Variants in KMT2B observed in about 807,000 individuals in gnomAD.
The protein encoded by KMT2B is lysine methyltransferase 2B, also known as histone-lysine N-methyltransferase 2B.
Under a neutral mutation model 255.3 loss-of-function variants are expected in KMT2B, and 22 were observed. The observed-to-expected ratio is 0.09, with a 90% CI of 0.06 to 0.12. The LOEUF is 0.12. Ranked by LOEUF, KMT2B falls within the 10% of genes least tolerant of loss-of-function variation. KMT2B has a pLI of 1.00. For synonymous variants in KMT2B, 1,730 were observed against 1,498.1 expected, an observed-to-expected ratio of 1.15 and a Z score of -3.57; for missense variants, 3,149 against 3,737.0, an observed-to-expected ratio of 0.84 and a Z score of 4.10.
rs1969651922 is a variant in KMT2B, at chr19:35,730,567, C to T, written c.5227C>T (p.Leu1743=). ...GSIRIDSLGT[L]SDLSDCEGRL... ...CATCCGCATTGACTCCCTGGGTACTCTGTCTGATCTCTCGGACTGCGAGGG... is the reference window on the plus strand; with the variant it reads ...CATCCGCATTGACTCCCTGGGTACTTTGTCTGATCTCTCGGACTGCGAGGG... The change falls in exon 25 of 37, where the codon CTG becomes TTG. Residue 1743 remains leucine (L), a synonymous_variant. Transcript: ENST00000420124. 24 of 1,614,054 alleles carry T rather than the reference C, an allele frequency of 1.5e-5. No individual in the cohort carries two copies. Among genetic ancestry groups the T allele is most frequent in the Non-Finnish European group, 2.0e-5 (24 of 1,179,900 alleles).
rs1308156549 is a variant in KMT2B at position 35,730,427 on chromosome 19, C to T, written c.5162C>T (p.Thr1721Met). The change falls in exon 24 of 37, where the codon ACG (threonine) becomes ATG (methionine). Residue 1721 changes from threonine (T) to methionine (M), a missense_variant. Thr to Met is a moderately conservative substitution (Grantham distance 81). Around this residue, in one of 18 missense-constraint regions of KMT2B, gnomAD observed 58 missense variants for 96.9 expected, o/e 0.60. Transcript: ENST00000420124. ...EGINFKRKFL[T>M]GLEPDAINVL... ...ATCAACTTCAAGCGGAAGTTCTTGA[C>T]GGGGCTTGAACCCGATGCCATCAAC... 6 of 1,613,828 alleles carry T rather than the reference C, an allele frequency of 3.7e-6. No homozygotes were observed. The highest frequency in any genetic ancestry group is 2.7e-5 in the African/African-American group (2 of 75,042).
chr19:35,729,147 C>T lies in KMT2B; in HGVS notation c.4780-12C>T, dbSNP rs757936937. ...GGCCTCCCCACATCATGCCACTCCTCTTCTGCCCCAGGAGGCGGGGCGGCT... is the reference window on the plus strand; with the variant it reads ...GGCCTCCCCACATCATGCCACTCCTTTTCTGCCCCAGGAGGCGGGGCGGCT... On this transcript the variant is annotated splice_polypyrimidine_tract_variant and intron_variant, in intron 21 of 36. Coordinates refer to ENST00000420124, the MANE Select transcript of KMT2B (RefSeq NM_014727.3). 6.2e-7 allele frequency: 1 copy of T among 1,613,886 alleles called. No individual in the cohort carries two copies. Among genetic ancestry groups the T allele is most frequent in the Non-Finnish European group, 8.5e-7 (1 of 1,179,840 alleles).
Position 35,720,220 on chromosome 19 carries a change from A to AGGCAGG in KMT2B, c.877_882dup (p.Arg297_Gly298dup). 1 of 1,610,800 alleles carries AGGCAGG rather than the reference A, an allele frequency of 6.2e-7. No individual in the cohort carries two copies. Among genetic ancestry groups the AGGCAGG allele is most frequent in the Non-Finnish European group, 8.5e-7 (1 of 1,178,722 alleles). ...GACAGTCAAGCCGTGGAGGCCGTGG[A>AGGCAGG]GGCAGGGGCCGCGGCCGAGGTGGTG... On this transcript the variant is annotated inframe_insertion, in exon 3 of 37. Coordinates refer to ENST00000420124, the MANE Select transcript of KMT2B (RefSeq NM_014727.3).
rs1303645035 is a variant in KMT2B, at chr19:35,737,847, G to T, written c.7659-12G>T. Reference sequence around the variant, plus strand: ...GAGCACCAGCCTGGGTGACACTGCTGTCCCTCACCAGACGTGCCACCAGCC... The same window carrying T: ...GAGCACCAGCCTGGGTGACACTGCTTTCCCTCACCAGACGTGCCACCAGCC... On this transcript the variant is annotated splice_polypyrimidine_tract_variant and intron_variant, in intron 34 of 36. Transcript: ENST00000420124. The surrounding 1 kb of genome is among the most constrained non-coding windows in gnomAD (Gnocchi z 5.3). 1.3e-6 allele frequency: 2 copies of T among 1,562,908 alleles called. No homozygotes were observed. The highest frequency in any genetic ancestry group is 2.3e-5 in the South Asian group (2 of 85,230).
chr19:35,731,626 G>C (rs902130933), intron 26 of KMT2B, among the ~76,000 whole-genome samples: 5 of 152,192 alleles, frequency 3.3e-5, no homozygotes, highest in African/African-American at 1.2e-4. Context: ...GGCCGTGCTG[G>C]AGGGAGGGCA....
chr19:35,723,050 G>C lies in KMT2B; in HGVS notation c.2778G>C (p.Lys926Asn). 1 of 1,612,362 alleles carries C rather than the reference G, an allele frequency of 6.2e-7. No individual in the cohort carries two copies. The highest frequency in any genetic ancestry group is 1.7e-5 in the Admixed American group (1 of 59,956). Residue 926 changes from lysine to asparagine, a missense_variant, in exon 6 of 37, where the codon AAG becomes AAC. This residue lies in a region of KMT2B where 132 missense variants were observed against 174.7 expected (regional missense o/e 0.76). Transcript: ENST00000420124. The surrounding 1 kb of genome is among the most constrained non-coding windows in gnomAD (Gnocchi z 7.5). The part of the protein sequence containing the change: ...ESVPSRSRRG[K>N]VEAAGPGGES... ...TCCCGTCACGGTCCCGGCGGGGAAA[G>C]GTGGAGGCAGCAGGCCCTGGGGGAG...
At chr19:35,724,915 G>A in intron 9 of KMT2B, 74 bp from the exon 10 acceptor site, 3 of 1,173,050 alleles carry the variant, frequency 2.6e-6, no homozygotes, top group Non-Finnish European at 3.8e-6. Context: ...TAGGCTGGGG[G>A]AAAGGCGGTG....
chr19:35,718,375 C>G lies in KMT2B; in HGVS notation c.357C>G (p.Asp119Glu). ...PEEESSDGES[D>E]EEEFQGFHSD... ...AGGAGAGCAGTGACGGGGAATCCGA[C>G]GAGGAGGTGAGGCGGTTGGAGGCGT... Residue 119 changes from aspartate to glutamate, a missense_variant, in exon 1 of 37, where the codon GAC becomes GAG. Coordinates refer to ENST00000420124, the MANE Select transcript of KMT2B (RefSeq NM_014727.3). The surrounding 1 kb of genome is among the most constrained non-coding windows in gnomAD (Gnocchi z 5.0). 6 of 1,269,442 alleles carry G rather than the reference C, an allele frequency of 4.7e-6. No homozygotes were observed. Among genetic ancestry groups the G allele is most frequent in the Non-Finnish European group, 6.0e-6 (6 of 1,000,880 alleles). 78.6% of individuals were successfully genotyped at this position (1,269,442 alleles called of 1,614,324 possible). A position where few individuals can be genotyped will look rare whatever the true frequency, so the allele number is the denominator to read the frequency against.
At chr19:35,734,204 A>G (rs529163498) in intron 30 of KMT2B, among the ~76,000 whole-genome samples, 19 of 152,104 alleles carry the variant, frequency 1.2e-4, no homozygotes, top group South Asian at 8.3e-4. Flanking sequence ...GATCATCTAG[A>G]GGGAATGCAG....
chr19:35,733,056 C>T lies in KMT2B; in HGVS notation c.6507C>T (p.Ala2169=), dbSNP rs1303723151. 3 of 1,580,844 alleles carry T rather than the reference C, an allele frequency of 1.9e-6. No homozygotes were observed. The highest frequency in any genetic ancestry group is 2.3e-5 in the East Asian group (1 of 43,142). ...PTRTFAWLPG[A]PGVRVLSLGP... Reference sequence around the variant, plus strand: ...GCACATTTGCCTGGCTCCCAGGGGCCCCAGGGGTCCGGGTGTTAAGCCTTG... The same window carrying T: ...GCACATTTGCCTGGCTCCCAGGGGCTCCAGGGGTCCGGGTGTTAAGCCTTG... Residue 2169 remains alanine (A), a synonymous_variant, in exon 28 of 37, where the codon GCC becomes GCT. Transcript: ENST00000420124. The surrounding 1 kb of genome is among the most constrained non-coding windows in gnomAD (Gnocchi z 4.3).
At position 35,731,718 on chromosome 19, in the gene KMT2B, C is replaced by T. The variant is rs116507068; in HGVS notation, c.5438-190C>T. ...AGTGGGGAGAGGCCCTGAAGGCCCC[C>T]TGGCCCAGGTGTGTGCAGGTTTTGC... On this transcript the variant is annotated intron_variant, in intron 26 of 36. Coordinates refer to ENST00000420124, the MANE Select transcript of KMT2B (RefSeq NM_014727.3). 0.022 allele frequency among the ~76,000 whole-genome samples: 3,298 copies of T among 152,252 alleles called. 113 individuals are homozygous for T. Among genetic ancestry groups the T allele is most frequent in the African/African-American group, 0.075 (3,105 of 41,514 alleles).
intron 1 of KMT2B, 108 bp from the exon 2 acceptor site, chr19:35,719,357 TAGGC>T (rs1036191097): frequency 1.7e-5 from 13 of 746,594 alleles, no homozygotes; most frequent in Admixed American, 5.9e-5. Flanking sequence ...TCTTTTTAAA[TAGGC>T]AGGGGTATGC....
chr19:35,721,021 G>T lies in KMT2B; in HGVS notation c.1674G>T (p.Glu558Asp), dbSNP rs1473259003. The change falls in exon 3 of 37, where the codon GAG becomes GAT. Residue 558 changes from glutamate to aspartate, a missense_variant. Physicochemically the swap from Glu to Asp is conservative, Grantham distance 45 (BLOSUM62 2). This residue lies in a region of KMT2B where 1,188 missense variants were observed against 1,106.4 expected (regional missense o/e 1.07). Transcript: ENST00000420124. Reference protein sequence around the residue: ...DEDPPKPPKVEVSPVLRPPIT... With the variant: ...DEDPPKPPKVDVSPVLRPPIT... ...ACCCCCCCAAACCCCCAAAGGTGGAGGTCTCACCTGTCCTGCGACCTCCCA... is the reference window on the plus strand; with the variant it reads ...ACCCCCCCAAACCCCCAAAGGTGGATGTCTCACCTGTCCTGCGACCTCCCA... 6.2e-7 allele frequency: 1 copy of T among 1,608,734 alleles called. No individual in the cohort carries two copies. The highest frequency in any genetic ancestry group is 1.1e-5 in the South Asian group (1 of 90,118).
In KMT2B at chr19:35,722,331, G is replaced by A. The variant is rs759290855; in HGVS notation, c.2458-28G>A. ...TGTCCCTATCTTTCCTCACTGTCCA[G>A]CCCCTGACCCTGTTTATTCCCTGCC... On this transcript the variant is annotated intron_variant, in intron 3 of 36. Transcript: ENST00000420124. 7 of 1,580,014 alleles carry A rather than the reference G, an allele frequency of 4.4e-6. 1 individual carries two copies. In the South Asian group the frequency reaches 6.9e-5, roughly 16 times the overall value.
chr19:35,721,119 C>T lies in KMT2B; in HGVS notation c.1772C>T (p.Ser591Phe). The change falls in exon 3 of 37, where the codon TCT becomes TTT. Residue 591 changes from serine (S) to phenylalanine (F), a missense_variant. Transcript: ENST00000420124. The stretch of plus-strand genomic sequence containing the variant: ...CCACCACGTGCCCCAACTCCTCCAT[C>T]TACCCCAGTTCCACTCCCTGAGAAG... ...PSPPRAPTPP[S>F]TPVPLPEKRR... 1.2e-6 allele frequency: 2 copies of T among 1,609,770 alleles called. No individual in the cohort carries two copies. The highest frequency in any genetic ancestry group is 1.3e-5 in the African/African-American group (1 of 74,556).
chr19:35,737,855 C>G lies in KMT2B; in HGVS notation c.7659-4C>G. 1 of 1,566,628 alleles carries G rather than the reference C, an allele frequency of 6.4e-7. No homozygotes were observed. Among genetic ancestry groups the G allele is most frequent in the South Asian group, 1.2e-5 (1 of 85,600 alleles). ...GCCTGGGTGACACTGCTGTCCCTCACCAGACGTGCCACCAGCCTGGAGCTG... is the reference window on the plus strand; with the variant it reads ...GCCTGGGTGACACTGCTGTCCCTCAGCAGACGTGCCACCAGCCTGGAGCTG... On this transcript the variant is annotated splice_polypyrimidine_tract_variant and splice_region_variant and intron_variant, in intron 34 of 36. Transcript: ENST00000420124. The surrounding 1 kb of genome is among the most constrained non-coding windows in gnomAD (Gnocchi z 5.3).
intron 1 of KMT2B, 148 bp from the exon 2 acceptor site, chr19:35,719,321 A>G (rs551825095): frequency 1.6e-6 from 1 of 636,420 alleles, no homozygotes; most frequent in African/African-American, 1.8e-5. Flanking sequence ...CTCTTCCACT[A>G]CCCGCGACCT....
At chr19:35,728,926 T>G in intron 20 of KMT2B, 37 bp downstream of exon 20, 2 of 1,607,318 alleles carry the variant, frequency 1.2e-6, no homozygotes, top group Non-Finnish European at 1.7e-6. Flanking sequence ...CAGGGCCCTG[T>G]GTTGGTGGCC....
chr19:35,722,690 C>T lies in KMT2B; in HGVS notation c.2694C>T (p.Leu898=), dbSNP rs1476764224. ...TCCCTCGCCTCAGTGCCCTCCCTCT[C>T]CGGGATCGGCAGGACCTCGCCACAG... ...EDVPRLSALP[L]RDRQDLATED... Residue 898 remains leucine, a synonymous_variant, in exon 5 of 37, where the codon CTC becomes CTT. Transcript: ENST00000420124. 3.1e-6 allele frequency: 5 copies of T among 1,608,308 alleles called. No individual in the cohort carries two copies. The Admixed American group carries it at 5.0e-5, about 16-fold the overall frequency.
Sources: allele counts gnomAD v4.1 joint callset (sites outside exome capture counted in the v4.1 genomes callset), GRCh38; gene constraint gnomAD v4.1.1; regional missense constraint gnomAD v4.1.1; non-coding constraint Gnocchi (gnomAD v3.1); transcripts MANE v1.5; gene names NCBI Gene and HGNC (gene_info 2026-07-23, HGNC 2026-07-21).